ART3: variants seen among roughly 807,000 people sequenced by gnomAD.
ART3 encodes the protein ecto-ADP-ribosyltransferase 3.
A neutral mutation model predicts 48.5 loss-of-function variants in ART3; 49 were observed. That is an observed-to-expected ratio of 1.01 (90% CI 0.80 to 1.28). ART3 has a LOEUF of 1.28. Among genes scored for constraint, ART3 ranks in the 50% most tolerant of loss-of-function variants. The pLI is 0.00. For missense variants in ART3, 438 were observed against 454.3 expected, an observed-to-expected ratio of 0.96 and a Z score of 0.33; for synonymous variants, 145 against 157.2, an observed-to-expected ratio of 0.92 and a Z score of 0.58.
chr4:76,064,344 G>A (rs1315002960), intron 1 of ART3, among the ~76,000 whole-genome samples: 1 of 152,168 alleles, frequency 6.6e-6, no homozygotes, highest in African/African-American at 2.4e-5. Flanking sequence ...ATACAAAAGA[G>A]ACAAAAGTGA....
upstream of ART3, among the ~76,000 whole-genome samples, chr4:76,072,782 G>A (rs761208743): frequency 1.3e-5 from 2 of 151,794 alleles, no homozygotes; most frequent in African/African-American, 4.9e-5. Flanking sequence ...CTACTCTAAT[G>A]TTCCAACCAT....
chr4:76,079,931 C>G (rs562312432), intron 2 of ART3, among the ~76,000 whole-genome samples: 1,645 of 150,110 alleles, frequency 0.011, 86 homozygotes, highest in Admixed American at 0.093. Flanking sequence ...CACACACACA[C>G]AGAGAGAGAG....
At chr4:76,041,963 T>G (rs1735015435) in intron 1 of ART3, among the ~76,000 whole-genome samples, 1 of 152,236 alleles carries the variant, frequency 6.6e-6, no homozygotes, top group South Asian at 2.1e-4. Context: ...TTCTCTGTGT[T>G]CTTAGCAGTG....
intron 8 of ART3, 59 bp downstream of exon 8, chr4:76,101,078 G>A (rs2149678155): frequency 6.3e-7 from 1 of 1,586,910 alleles, no homozygotes; most frequent in East Asian, 2.2e-5. Context: ...CCCTTTACAT[G>A]TGGGAACAGG....
chr4:76,030,175 G>A (rs6818470), intron 1 of ART3, among the ~76,000 whole-genome samples: 92,639 of 151,704 alleles, frequency 0.61, 29,329 homozygotes, highest in East Asian at 0.94. Context: ...TCCTGCCTCA[G>A]CCTCCTGAGT....
At chr4:76,040,392 T>A (rs919615792) in intron 1 of ART3, among the ~76,000 whole-genome samples, 1 of 151,322 alleles carries the variant, frequency 6.6e-6, no homozygotes, top group Non-Finnish European at 1.5e-5. Flanking sequence ...AGATGACCAC[T>A]GCTTTAGTTT....
intron 2 of ART3, among the ~76,000 whole-genome samples, chr4:76,078,303 T>A (rs543883271): frequency 7.2e-5 from 11 of 152,246 alleles, no homozygotes; most frequent in African/African-American, 2.6e-4. Flanking sequence ...GTTAGAGGCA[T>A]AGGGAAAAGA....
At chr4:76,106,097 G>A (rs10028141) in intron 10 of ART3, 173,981 of 982,498 alleles carry the variant, frequency 0.18, 16,708 homozygotes, top group East Asian at 0.37. Flanking sequence ...AAATATTATT[G>A]ACACTTCAGA....
intron 8 of ART3, among the ~76,000 whole-genome samples, chr4:76,103,376 A>G (rs1046702481): frequency 2.0e-5 from 3 of 152,126 alleles, no homozygotes; most frequent in Non-Finnish European, 4.4e-5. Context: ...AAAAGAAAAA[A>G]AAATATTACT....
chr4:76,092,570 A>T (rs1274709473), intron 3 of ART3, among the ~76,000 whole-genome samples: 1 of 152,094 alleles, frequency 6.6e-6, no homozygotes. Context: ...CTTTGTGTTT[A>T]TCATACTTAT....
intron 1 of ART3, among the ~76,000 whole-genome samples, chr4:76,049,761 A>G (rs1283061309): frequency 6.6e-6 from 1 of 152,042 alleles, no homozygotes; most frequent in Non-Finnish European, 1.5e-5. Context: ...CCGCTCGGCG[A>G]TAGGCGAAAG....
chr4:76,050,422 C>T (rs184844948), intron 1 of ART3, among the ~76,000 whole-genome samples: 7 of 152,274 alleles, frequency 4.6e-5, no homozygotes, highest in East Asian at 1.9e-4. Flanking sequence ...TAGCTAGATA[C>T]GGAGTGTCAA....
intron 1 of ART3, among the ~76,000 whole-genome samples, chr4:76,061,302 G>A (rs187997688): frequency 1.1e-4 from 16 of 152,212 alleles, no homozygotes; most frequent in African/African-American, 3.4e-4. Context: ...CAGAAATCTG[G>A]GGGTCAGTTT....
intron 1 of ART3, chr4:76,022,571 T>C: frequency 6.8e-7 from 1 of 1,474,268 alleles, no homozygotes; most frequent in African/African-American, 1.4e-5. Flanking sequence ...TTTTGTTTGC[T>C]GTACATTAGT....
chr4:76,068,801 G>GA (rs967292113), intron 1 of ART3, among the ~76,000 whole-genome samples: 1 of 151,856 alleles, frequency 6.6e-6, no homozygotes, highest in Non-Finnish European at 1.5e-5. Context: ...AAGTTTAAAA[G>GA]AAAAAAAATT....
chr4:76,089,888 T>C (rs918134796), intron 3 of ART3, among the ~76,000 whole-genome samples: 6 of 152,266 alleles, frequency 3.9e-5, no homozygotes, highest in South Asian at 2.1e-4. Flanking sequence ...GAGACCAGCC[T>C]GGCCAACATG....
At chr4:76,082,900 A>G (rs1722781043) in intron 3 of ART3, among the ~76,000 whole-genome samples, 2 of 152,168 alleles carry the variant, frequency 1.3e-5, no homozygotes, top group Admixed American at 6.5e-5. Flanking sequence ...TGCATAGGAC[A>G]GCCCCACACA....
At chr4:76,098,896 G>A (rs1182280288) in intron 4 of ART3, 59 bp from the exon 5 acceptor site, 1 of 1,393,364 alleles carries the variant, frequency 7.2e-7, no homozygotes, top group Non-Finnish European at 1.0e-6. Flanking sequence ...AAAATAGACT[G>A]ATCCTGACAT....
chr4:76,100,962 A>T, intron 7 of ART3, 28 bp from the exon 8 acceptor site: 3 of 1,612,402 alleles, frequency 1.9e-6, no homozygotes, highest in Non-Finnish European at 2.5e-6. Context: ...CCATTGTTAA[A>T]ACTGATAAGC....
Sources: gnomAD v4.1 joint callset for allele counts (sites outside exome capture counted in the v4.1 genomes callset) on GRCh38, gnomAD v4.1.1 for gene constraint, MANE v1.5 for transcripts, NCBI Gene and HGNC (gene_info 2026-07-23, HGNC 2026-07-21) for gene names.